Variants in INTS4 observed in about 807,000 individuals in gnomAD.
INTS4 encodes integrator complex subunit 4, also known as MSTP093.
INTS4 carries 70 observed loss-of-function variants against 119.5 expected under a neutral mutation model. That is an observed-to-expected ratio of 0.59 (90% CI 0.48 to 0.71). The LOEUF (loss-of-function observed/expected upper bound fraction) is 0.71, where lower values mean the gene tolerates loss of function less well. Among genes scored for constraint, INTS4 ranks in the 30% least tolerant of loss-of-function variants. The probability of loss-of-function intolerance (pLI) is 0.00; values close to 1 mark genes in which losing one functional copy is unlikely to be tolerated. For missense variants in INTS4, 867 were observed against 1,173.2 expected, an observed-to-expected ratio of 0.74 and a Z score of 3.81; for synonymous variants, 316 against 419.6, an observed-to-expected ratio of 0.75 and a Z score of 3.02.
At chr11:77,911,770 A>C (rs982063097) in intron 15 of INTS4, among the ~76,000 whole-genome samples, 48 of 152,236 alleles carry the variant, frequency 3.2e-4, no homozygotes, top group Non-Finnish European at 6.3e-4. Flanking sequence ...AACTGAGCAC[A>C]TTCTATGTGC....
At chr11:77,962,897 C>G (rs1052470475) in intron 4 of INTS4, among the ~76,000 whole-genome samples, 3 of 151,912 alleles carry the variant, frequency 2.0e-5, no homozygotes, top group African/African-American at 7.3e-5. Flanking sequence ...CACCTGTAAT[C>G]CCAGCTACTC....
chr11:77,910,135 C>T (rs1404408649), intron 15 of INTS4, among the ~76,000 whole-genome samples: 1 of 152,170 alleles, frequency 6.6e-6, no homozygotes, highest in African/African-American at 2.4e-5. Context: ...TATAAAGACA[C>T]ATGCACGCAT....
chr11:77,918,416 CAAAAAAAAAAAAAA>C (rs34005455), intron 15 of INTS4: 1 of 57,566 alleles, frequency 1.7e-5, no homozygotes, highest in African/African-American at 7.5e-5. Context: ...GACCCTGTCT[CAAAAAAAAAAAAAA>C]AAAAAAAAAA....
Position 77,938,829 on chromosome 11 carries a change from C to A in INTS4, c.991-4G>T. 2 of 1,605,796 alleles carry A rather than the reference C, an allele frequency of 1.2e-6. No homozygotes were observed. Among genetic ancestry groups the A allele is most frequent in the Non-Finnish European group, 1.7e-6 (2 of 1,176,992 alleles). On this transcript the variant is annotated splice_polypyrimidine_tract_variant and splice_region_variant and intron_variant, in intron 9 of 22. Coordinates refer to ENST00000534064, the MANE Select transcript of INTS4 (RefSeq NM_033547.4). The stretch of plus-strand genomic sequence containing the variant: ...GCTCATGTGCAGTACGTTTCCTCTG[C>A]AGAGGACAACAACAATTACCAATTG...
rs546453458 is a variant in INTS4 at position 77,918,686 on chromosome 11, C to T, written c.1922+135G>A. On this transcript the variant is annotated intron_variant, in intron 15 of 22. Coordinates refer to ENST00000534064, the MANE Select transcript of INTS4 (RefSeq NM_033547.4). ...AACCACAATCTAATCCAAATATAAACAGACCATAAAACCGTGTGTGAATGT... is the reference window on the plus strand; with the variant it reads ...AACCACAATCTAATCCAAATATAAATAGACCATAAAACCGTGTGTGAATGT... The T allele has an allele frequency of 2.1e-4, 257 of 1,196,198 alleles. 1 individual carries two copies. Among genetic ancestry groups the T allele is most frequent in the Admixed American group, 1.0e-3 (36 of 34,892 alleles). 74.1% of individuals were successfully genotyped at this position (1,196,198 alleles called of 1,614,324 possible). A position where few individuals can be genotyped will look rare whatever the true frequency, so the allele number is the denominator to read the frequency against.
chr11:77,948,525 G>T (rs1456361901), intron 8 of INTS4, among the ~76,000 whole-genome samples: 1 of 151,848 alleles, frequency 6.6e-6, no homozygotes, highest in Non-Finnish European at 1.5e-5. Context: ...GCACATGCCT[G>T]TAATCCCGGT....
downstream of INTS4, among the ~76,000 whole-genome samples, chr11:77,874,805 G>A (rs1257691966): frequency 6.6e-6 from 1 of 152,186 alleles, no homozygotes; most frequent in Non-Finnish European, 1.5e-5. Flanking sequence ...GGGAGGCCGA[G>A]GTGGGCAGAT....
At chr11:77,937,227 A>G (rs959165332) in intron 10 of INTS4, among the ~76,000 whole-genome samples, 6 of 152,158 alleles carry the variant, frequency 3.9e-5, no homozygotes, top group Non-Finnish European at 7.3e-5. Context: ...AAAATTTCCA[A>G]CTGTGATGAA....
chr11:77,957,663 CTTTTTTT>C (rs1159914263), intron 7 of INTS4, among the ~76,000 whole-genome samples: 2 of 110,710 alleles, frequency 1.8e-5, no homozygotes, highest in African/African-American at 3.4e-5. Context: ...AACTGAACTT[CTTTTTTT>C]TTTTTTTTTT....
At chr11:77,964,560 C>A (rs376337732) in intron 4 of INTS4, among the ~76,000 whole-genome samples, 2 of 146,492 alleles carry the variant, frequency 1.4e-5, no homozygotes, top group Non-Finnish European at 1.5e-5. Flanking sequence ...TGTGACAGAG[C>A]GAGACTCTTT....
chr11:77,916,114 C>A (rs1262947042), intron 15 of INTS4, among the ~76,000 whole-genome samples: 1 of 152,176 alleles, frequency 6.6e-6, no homozygotes, highest in Non-Finnish European at 1.5e-5. Context: ...TAATAAATTT[C>A]TTTCTGCTTA....
intron 15 of INTS4, among the ~76,000 whole-genome samples, chr11:77,908,596 G>C (rs1388585719): frequency 3.3e-5 from 5 of 152,086 alleles, no homozygotes; most frequent in Non-Finnish European, 4.4e-5. Flanking sequence ...CATAGTGCTG[G>C]GATTACAGGC....
At chr11:77,980,972 G>C (rs1856187032) in intron 3 of INTS4, among the ~76,000 whole-genome samples, 1 of 151,816 alleles carries the variant, frequency 6.6e-6, no homozygotes, top group Non-Finnish European at 1.5e-5. Flanking sequence ...CAGCCTGGGA[G>C]ACAGAGCGAG....
At chr11:77,919,181 C>T (rs1953278685) in intron 14 of INTS4, among the ~76,000 whole-genome samples, 1 of 152,252 alleles carries the variant, frequency 6.6e-6, no homozygotes, top group Non-Finnish European at 1.5e-5. Flanking sequence ...CAAACATGGT[C>T]TACCCAATAC....
chr11:77,884,440 C>T (rs1951913413), intron 21 of INTS4, among the ~76,000 whole-genome samples: 2 of 152,186 alleles, frequency 1.3e-5, no homozygotes, highest in African/African-American at 4.8e-5. Context: ...AAATCACTGG[C>T]CAGTTCTTTA....
rs776290349 is a variant in INTS4 at position 77,891,696 on chromosome 11, G to A, written c.2433C>T (p.Leu811=). ...TMLRQSAFLH[L]PLPEQIHKAS... ...AGACCCTGACCTGCTCTGGAAGCGG[G>A]AGATGCAGAAAGGCACTCTGTCGCA... The change falls in exon 20 of 23, where the codon CTC becomes CTT. Residue 811 remains leucine, a synonymous_variant. Transcript: ENST00000534064. 8 of 1,612,006 alleles carry A rather than the reference G, an allele frequency of 5.0e-6. 1 individual carries two copies. In the South Asian group the frequency reaches 8.8e-5, roughly 18 times the overall value.
intron 4 of INTS4, among the ~76,000 whole-genome samples, chr11:77,969,038 G>T (rs1855604012): frequency 6.6e-6 from 1 of 152,018 alleles, no homozygotes; most frequent in African/African-American, 2.4e-5. Flanking sequence ...CTGCCTCCCT[G>T]GTTCAAGTGA....
At chr11:77,964,499 A>G (rs7931392) in intron 4 of INTS4, among the ~76,000 whole-genome samples, 117,192 of 151,868 alleles carry the variant, frequency 0.77, 46,272 homozygotes, top group African/African-American at 0.94. Flanking sequence ...GCGTGAACCC[A>G]GGAGGCGGAG....
At chr11:77,897,048 T>C (rs1952555570) in intron 18 of INTS4, among the ~76,000 whole-genome samples, 1 of 152,022 alleles carries the variant, frequency 6.6e-6, no homozygotes, top group Admixed American at 6.5e-5. Context: ...AGAGTCTCTA[T>C]GAACCTATTC....
Sources: gnomAD v4.1 joint callset for allele counts (sites outside exome capture counted in the v4.1 genomes callset) on GRCh38, gnomAD v4.1.1 for gene constraint, MANE v1.5 for transcripts, NCBI Gene and HGNC (gene_info 2026-07-23, HGNC 2026-07-21) for gene names.